Variants in USH2A observed in about 807,000 individuals in gnomAD.
USH2A encodes the protein Usher syndrome 2A (autosomal recessive, mild).
In USH2A, 443 loss-of-function variants were observed where a neutral mutation model predicts 538.9. That is an observed-to-expected ratio of 0.82 (90% CI 0.76 to 0.89). The LOEUF (loss-of-function observed/expected upper bound fraction) is 0.89, where lower values mean the gene tolerates loss of function less well. Among genes scored for constraint, USH2A ranks in the 40% least tolerant of loss-of-function variants. USH2A has a pLI of 0.00. For missense variants in USH2A, 6,633 were observed against 6,324.8 expected (o/e 1.05, Z -1.65); for synonymous variants, 2,413 against 2,273.5 (o/e 1.06, Z -1.75).
In USH2A at chr1:216,070,282, A is replaced by G. The variant is rs2102546276; in HGVS notation, c.5868T>C (p.Ser1956=). Residue 1956 remains serine (S), a synonymous_variant, in exon 30 of 72, where the codon AGT becomes AGC. Coordinates refer to ENST00000307340, the MANE Select transcript of USH2A (RefSeq NM_206933.4). ...TGCGGACTCTTGAGGGAGTTGGCAC[A>G]CTTTGTGGAGCTGTGAAGGAATAAA... ...RGRTTGAAPQ[S]VPTPSRVRSL... 2.5e-6 allele frequency: 4 copies of G among 1,613,898 alleles called. No individual in the cohort carries two copies. The highest frequency in any genetic ancestry group is 3.4e-6 in the Non-Finnish European group (4 of 1,179,838).
intron 64 of USH2A, among the ~76,000 whole-genome samples, chr1:215,654,824 CTTG>C (rs1397586725): frequency 2.0e-5 from 3 of 151,996 alleles, no homozygotes; most frequent in African/African-American, 7.2e-5. Flanking sequence ...CATATTTATG[CTTG>C]TTGTTCATTA....
rs372910532 is a variant in USH2A, at chr1:216,050,579, T to TC, written c.6050-1933dup. Among the ~76,000 whole-genome samples the TC allele has an allele frequency of 6.4e-4, 39 of 60,872 alleles. 5 individuals are homozygous for TC. The highest frequency in any genetic ancestry group is 9.6e-4 in the Admixed American group (5 of 5,204). The allele number at this position is 60,872 out of a possible 152,430, so 39.9% of individuals were successfully genotyped here. On this transcript the variant is annotated intron_variant, in intron 30 of 71. Coordinates refer to ENST00000307340, the MANE Select transcript of USH2A (RefSeq NM_206933.4). ...GTATCTTTTTCTTTCTTTCTTTCTT[T>TC]CTTTCTTTCTTTCTTTCTTTCTTTC...
In USH2A at chr1:216,107,753, GA is replaced by G. The variant is rs202146520; in HGVS notation, c.4628-10541del. 1.6e-3 allele frequency among the ~76,000 whole-genome samples: 240 copies of G among 150,454 alleles called. 3 individuals are homozygous for G. The East Asian group carries it at 0.029, about 18-fold the overall frequency. On this transcript the variant is annotated intron_variant, in intron 21 of 71. Transcript: ENST00000307340. ...TTCCCTACCTTGTTATGGATTAGAGGAGTTACCTTAACATTCCATTTTGCTA... is the reference window on the plus strand; with the variant it reads ...TTCCCTACCTTGTTATGGATTAGAGGGTTACCTTAACATTCCATTTTGCTA...
At chr1:215,767,663 C>T (rs534834808) in intron 55 of USH2A, among the ~76,000 whole-genome samples, 2 of 152,178 alleles carry the variant, frequency 1.3e-5, no homozygotes, top group African/African-American at 2.4e-5. Flanking sequence ...CTGCTCTGTG[C>T]GTGGCTGGTG....
chr1:215,970,377 A>G (rs1667462360), intron 36 of USH2A, among the ~76,000 whole-genome samples: 2 of 152,192 alleles, frequency 1.3e-5, no homozygotes, highest in South Asian at 4.1e-4. Flanking sequence ...CTACTACACT[A>G]GCCAACTTAT....
In USH2A at chr1:215,799,059, C is replaced by T. The variant is rs762076576; in HGVS notation, c.9806G>A (p.Gly3269Asp). 16 of 1,614,090 alleles carry T rather than the reference C, an allele frequency of 9.9e-6. No homozygotes were observed. The highest frequency in any genetic ancestry group is 1.7e-4 in the Middle Eastern group (1 of 6,060). The change falls in exon 50 of 72, where the codon GGC (glycine) becomes GAC (aspartate). Residue 3269 changes from glycine (G) to aspartate (D), a missense_variant. Physicochemically the swap from Gly to Asp is moderately conservative, Grantham distance 94. Transcript: ENST00000307340. ...TCCTGAGGTGGAGTACGGCATTCTG[C>T]CACAGCAGGAATCACCAATGCCAAC... Reference protein sequence around the residue: ...VSVGIGDSCCGRMPYSTSGNQ... With the variant: ...VSVGIGDSCCDRMPYSTSGNQ...
At chr1:216,089,818 A>G (rs527441771) in intron 22 of USH2A, among the ~76,000 whole-genome samples, 1 of 131,718 alleles carries the variant, frequency 7.6e-6, no homozygotes, top group Non-Finnish European at 1.6e-5. Flanking sequence ...AGGTAAGAAT[A>G]AAAAAAAAAA....
intron 4 of USH2A, among the ~76,000 whole-genome samples, chr1:216,338,702 G>A (rs1195038298): frequency 6.6e-6 from 1 of 151,362 alleles, no homozygotes; most frequent in Non-Finnish European, 1.5e-5. Flanking sequence ...TTACTGACAA[G>A]GAAATGCAAT....
rs1161295062 is a variant in USH2A, at chr1:215,703,641, A to C, written c.12067-23265T>G. Among the ~76,000 whole-genome samples, 3 of 152,250 alleles carry C rather than the reference A, an allele frequency of 2.0e-5. No individual in the cohort carries two copies. In the East Asian group the frequency reaches 5.8e-4, roughly 29 times the overall value. On this transcript the variant is annotated intron_variant, in intron 61 of 71. Transcript: ENST00000307340. ...GGGAAAACCACCTACTCAAGCCTCC[A>C]TAATGGTGGACATCCCTCCCCGAAC...
chr1:216,348,830 C>T (rs2038225591), intron 4 of USH2A, among the ~76,000 whole-genome samples: 1 of 151,896 alleles, frequency 6.6e-6, no homozygotes, highest in Non-Finnish European at 1.5e-5. Context: ...CTGCTTATTT[C>T]TGTGTACCAC....
intron 37 of USH2A, among the ~76,000 whole-genome samples, chr1:215,936,774 A>G (rs1245465196): frequency 6.6e-6 from 1 of 152,066 alleles, no homozygotes; most frequent in African/African-American, 2.4e-5. Context: ...CAAAATTCTA[A>G]GGTTTTTCAA....
intron 36 of USH2A, among the ~76,000 whole-genome samples, chr1:215,968,762 T>C (rs1187876459): frequency 1.3e-5 from 2 of 152,202 alleles, no homozygotes; most frequent in African/African-American, 2.4e-5. Flanking sequence ...ATAGAAATGA[T>C]AAATTTTCTG....
At chr1:216,038,465 C>T (rs1243586682) in intron 32 of USH2A, among the ~76,000 whole-genome samples, 1 of 147,870 alleles carries the variant, frequency 6.8e-6, no homozygotes, top group Non-Finnish European at 1.5e-5. Flanking sequence ...TCATAATATG[C>T]ATTTTCCATA....
At chr1:216,040,328 T>C (rs1307255600) in intron 32 of USH2A, among the ~76,000 whole-genome samples, 1 of 151,998 alleles carries the variant, frequency 6.6e-6, no homozygotes, top group African/African-American at 2.4e-5. Context: ...TAACCTTTCC[T>C]CTTTTGGAGT....
intron 11 of USH2A, among the ~76,000 whole-genome samples, chr1:216,266,449 T>A (rs918241569): frequency 6.6e-6 from 1 of 152,152 alleles, no homozygotes; most frequent in Non-Finnish European, 1.5e-5. Context: ...AATCCAGAAT[T>A]CTATGCTAAG....
intron 14 of USH2A, among the ~76,000 whole-genome samples, chr1:216,223,867 G>C (rs144514958): frequency 2.0e-5 from 3 of 152,246 alleles, no homozygotes; most frequent in East Asian, 1.9e-4. Context: ...TCGGATAAAG[G>C]CCTGTGAAAA....
chr1:215,931,957 T>C (rs906260822), intron 38 of USH2A, among the ~76,000 whole-genome samples: 8 of 151,952 alleles, frequency 5.3e-5, no homozygotes, highest in Admixed American at 4.0e-4. Flanking sequence ...TGAGTAGGAT[T>C]TGGCCAGATT....
intron 49 of USH2A, among the ~76,000 whole-genome samples, chr1:215,805,398 AAACAGAATGGTG>A (rs1221443177): frequency 3.3e-5 from 5 of 152,106 alleles, no homozygotes; most frequent in Non-Finnish European, 7.4e-5. Context: ...TAGAGACCAA[AAACAGAATGGTG>A]GTTTCCAGGG....
At chr1:216,154,654 C>T (rs953580637) in intron 21 of USH2A, among the ~76,000 whole-genome samples, 2 of 152,150 alleles carry the variant, frequency 1.3e-5, no homozygotes, top group African/African-American at 4.8e-5. Flanking sequence ...CCATCACCCC[C>T]TCCTCCTCAG....
Sources: gnomAD v4.1 joint callset for allele counts (sites outside exome capture counted in the v4.1 genomes callset) on GRCh38, gnomAD v4.1.1 for gene constraint, MANE v1.5 for transcripts, NCBI Gene and HGNC (gene_info 2026-07-23, HGNC 2026-07-21) for gene names.